Variants in ALG11 observed in about 807,000 individuals in gnomAD.
ALG11 encodes the protein ALG11 alpha-1,2-mannosyltransferase.
A neutral mutation model predicts 38.8 loss-of-function variants in ALG11; 26 were observed. The observed-to-expected ratio is 0.67, with a 90% CI of 0.49 to 0.93. ALG11 has a LOEUF of 0.93. Among genes scored for constraint, ALG11 ranks in the 40% least tolerant of loss-of-function variants. The pLI, the probability that ALG11 is intolerant of heterozygous loss-of-function variation, is 0.00. For missense variants in ALG11, 535 were observed against 578.8 expected (o/e 0.92, Z 0.78); for synonymous variants, 199 against 211.6 (o/e 0.94, Z 0.52).
At position 52,028,537 on chromosome 13, in the gene ALG11, G is replaced by A. The variant is rs773947350; in HGVS notation, c.1426G>A (p.Asp476Asn). ...SARASVSRFS[D>N]QEFEVTFLSS... The stretch of plus-strand genomic sequence containing the variant: ...TCGTGCATCTGTAAGCAGATTCTCT[G>A]ATCAGGAATTTGAAGTGACATTCCT... Residue 476 changes from aspartate (D) to asparagine (N), a missense_variant, in exon 4 of 4, where the codon GAT becomes AAT. Asp to Asn is a conservative substitution (Grantham distance 23). Transcript: ENST00000521508. 15 of 1,614,180 alleles carry A rather than the reference G, an allele frequency of 9.3e-6. No homozygotes were observed. In the South Asian group the frequency reaches 1.5e-4, roughly 17 times the overall value.
At chr13:52,025,869 G>A (rs1164314400) in intron 3 of ALG11, among the ~76,000 whole-genome samples, 1 of 152,230 alleles carries the variant, frequency 6.6e-6, no homozygotes, top group East Asian at 1.9e-4. Flanking sequence ...AGTTAGTAGT[G>A]TAGTGCTAGG....
chr13:52,028,239 T>G, intron 3 of ALG11, 80 bp from the exon 4 acceptor site: 1 of 1,564,060 alleles, frequency 6.4e-7, no homozygotes, highest in Non-Finnish European at 8.8e-7. Context: ...TTAAATTTTT[T>G]GAAGATTTCT....
In ALG11 at chr13:52,031,231, TAAAA is replaced by T; in HGVS notation, c.*2645_*2648del. ...TTGCATGTAGTTGAGCCACATTTTT[TAAAA>T]AAAGAAAATGGATGACCATTAATTG... On this transcript the variant is annotated 3_prime_UTR_variant, in exon 4 of 4. Transcript: ENST00000521508. 3.6e-6 allele frequency: 5 copies of T among 1,396,912 alleles called. No individual in the cohort carries two copies. The highest frequency in any genetic ancestry group is 3.8e-6 in the Non-Finnish European group (4 of 1,044,532). The allele number at this position is 1,396,912 out of a possible 1,614,324, so 86.5% of individuals were successfully genotyped here. A position where few individuals can be genotyped will look rare whatever the true frequency, so the allele number is the denominator to read the frequency against.
chr13:52,024,211 T>C lies in ALG11; in HGVS notation c.481T>C (p.Trp161Arg). Residue 161 changes from tryptophan to arginine, a missense_variant, in exon 3 of 4, where the codon TGG (tryptophan) becomes CGG (arginine). Trp to Arg is a moderately radical substitution (Grantham distance 101). Coordinates refer to ENST00000521508, the MANE Select transcript of ALG11 (RefSeq NM_001004127.3). ...AAGTCTAGGATCCATTTTTCTTGGCTGGGAAGCTCTAATGCAGTGTGTTCC... is the reference window on the plus strand; with the variant it reads ...AAGTCTAGGATCCATTTTTCTTGGCCGGGAAGCTCTAATGCAGTGTGTTCC... ...GQSLGSIFLGWEALMQCVPDV... is the reference protein window; with the variant it reads ...GQSLGSIFLGREALMQCVPDV... The C allele has an allele frequency of 6.2e-7, 1 of 1,614,200 alleles. No individual in the cohort carries two copies. Among genetic ancestry groups the C allele is most frequent in the South Asian group, 1.1e-5 (1 of 91,086 alleles).
In ALG11 at chr13:52,024,123, T is replaced by C; in HGVS notation, c.393T>C (p.Val131=). The change falls in exon 3 of 4, where the codon GTT becomes GTC. Residue 131 remains valine (V), a synonymous_variant. Transcript: ENST00000521508. ...NIRLIHPVQF[V]FLRKRYLVED... The stretch of plus-strand genomic sequence containing the variant: ...GATTAATTCACCCAGTGCAGTTTGT[T>C]TTTTTAAGGAAACGCTATCTTGTGG... 6.2e-7 allele frequency: 1 copy of C among 1,614,092 alleles called. No homozygotes were observed. Among genetic ancestry groups the C allele is most frequent in the Non-Finnish European group, 8.5e-7 (1 of 1,179,976 alleles).
chr13:52,013,058 A>G (rs899347357), intron 1 of ALG11, among the ~76,000 whole-genome samples: 2 of 152,234 alleles, frequency 1.3e-5, no homozygotes, highest in African/African-American at 2.4e-5. Flanking sequence ...TAGAAAATAG[A>G]TAAGTAAAAG....
In ALG11 at chr13:52,030,486, A is replaced by C. The variant is rs762712549; in HGVS notation, c.*1896A>C. 6.2e-6 allele frequency: 10 copies of C among 1,614,224 alleles called. No homozygotes were observed. The highest frequency in any genetic ancestry group is 6.8e-6 in the Non-Finnish European group (8 of 1,180,034). ...AAGGAGCAACTGATCAACCTACAGA[A>C]CTTCCTGACCACACAGTCTCCTTCC... On this transcript the variant is annotated 3_prime_UTR_variant, in exon 4 of 4. Coordinates refer to ENST00000521508, the MANE Select transcript of ALG11 (RefSeq NM_001004127.3).
chr13:52,029,406 C>T lies in ALG11; in HGVS notation c.*816C>T. 1.2e-6 allele frequency: 2 copies of T among 1,614,164 alleles called. No individual in the cohort carries two copies. The highest frequency in any genetic ancestry group is 1.7e-6 in the Non-Finnish European group (2 of 1,180,046). ...AAGAACAAGCAGCCAGTGACAGATC[C>T]TTTACTGACTCCCATGGAAAAGGCC... is the stretch of plus-strand genomic sequence containing the variant. On this transcript the variant is annotated 3_prime_UTR_variant, in exon 4 of 4. Transcript: ENST00000521508.
intron 1 of ALG11, among the ~76,000 whole-genome samples, chr13:52,014,736 G>A (rs1268990631): frequency 6.6e-6 from 1 of 152,060 alleles, no homozygotes; most frequent in Non-Finnish European, 1.5e-5. Flanking sequence ...TGGCATCTAA[G>A]TGGGTCAAGA....
intron 2 of ALG11, chr13:52,023,288 A>T (rs1409485859): frequency 6.6e-6 from 1 of 152,202 alleles, no homozygotes; most frequent in Non-Finnish European, 1.5e-5. Flanking sequence ...CTTACTGTTG[A>T]TGCCTGTTCT....
intron 2 of ALG11, chr13:52,023,615 A>G (rs1954205947): frequency 6.6e-6 from 1 of 152,016 alleles, no homozygotes; most frequent in South Asian, 2.1e-4. Flanking sequence ...AAAAAATCAA[A>G]TCTTCTTTAT....
intron 3 of ALG11, among the ~76,000 whole-genome samples, chr13:52,026,137 G>GA (rs1422557775): frequency 6.6e-6 from 1 of 152,216 alleles, no homozygotes; most frequent in Non-Finnish European, 1.5e-5. Flanking sequence ...AGGGTGATGT[G>GA]AAAGCGCCAA....
intron 1 of ALG11, chr13:52,016,786 G>A (rs1339850163): frequency 1.3e-5 from 2 of 152,278 alleles, no homozygotes; most frequent in Non-Finnish European, 2.9e-5. Context: ...CCTCTGCCAG[G>A]GCAGTGCAGA....
rs774962929 is a variant in ALG11, at chr13:52,030,198, T to G, written c.*1608T>G. The G allele has an allele frequency of 4.3e-6, 7 of 1,614,030 alleles. No individual in the cohort carries two copies. Among genetic ancestry groups the G allele is most frequent in the South Asian group, 1.1e-5 (1 of 91,078 alleles). On this transcript the variant is annotated 3_prime_UTR_variant, in exon 4 of 4. Coordinates refer to ENST00000521508, the MANE Select transcript of ALG11 (RefSeq NM_001004127.3). The stretch of plus-strand genomic sequence containing the variant: ...GAATTGAGGGCACTATCTCAGAAAT[T>G]GAAGGAAAAACATCAGTCCAGGAAG...
In ALG11 at chr13:52,029,204, A is replaced by G. The variant is rs779425936; in HGVS notation, c.*614A>G. ...ACAGATCCACAGAGAAGTAGCATTC[A>G]GTAAAACCTCACAGGTCCTCTCCAA... is the stretch of plus-strand genomic sequence containing the variant. On this transcript the variant is annotated 3_prime_UTR_variant, in exon 4 of 4. Coordinates refer to ENST00000521508, the MANE Select transcript of ALG11 (RefSeq NM_001004127.3). The G allele has an allele frequency of 2.0e-5, 32 of 1,614,134 alleles. No individual in the cohort carries two copies. In the South Asian group the frequency reaches 3.4e-4, roughly 17 times the overall value.
chr13:52,019,610 C>T (rs531460700), intron 2 of ALG11, among the ~76,000 whole-genome samples: 1 of 152,166 alleles, frequency 6.6e-6, no homozygotes, highest in East Asian at 1.9e-4. Flanking sequence ...GCCCACATAC[C>T]TTATATGATC....
At position 52,024,604 on chromosome 13, in the gene ALG11, T is replaced by C. The variant is rs533408732; in HGVS notation, c.874T>C (p.Leu292=). Residue 292 remains leucine (L), a synonymous_variant, in exon 3 of 4, where the codon TTA becomes CTA. Transcript: ENST00000521508. Reference sequence around the variant, plus strand: ...TGTGCAGACATTTCTGGACATTCCCTTACATGAGAAAAAGATGACCCCAGG... The same window carrying C: ...TGTGCAGACATTTCTGGACATTCCCCTACATGAGAAAAAGATGACCCCAGG... ...CDVQTFLDIP[L]HEKKMTPGHL... 71 of 1,613,934 alleles carry C rather than the reference T, an allele frequency of 4.4e-5. 1 individual carries two copies. The South Asian group carries it at 7.4e-4, about 17-fold the overall frequency.
At chr13:52,020,671 G>A (rs1447771718) in intron 2 of ALG11, 2 of 151,944 alleles carry the variant, frequency 1.3e-5, no homozygotes, top group African/African-American at 4.8e-5. Flanking sequence ...CCATCTACAA[G>A]GAGAAAAAAA....
intron 1 of ALG11, among the ~76,000 whole-genome samples, chr13:52,013,979 A>G (rs1166613576): frequency 6.6e-6 from 1 of 152,240 alleles, no homozygotes; most frequent in Non-Finnish European, 1.5e-5. Context: ...GGTCATTGAT[A>G]GGGTTTCAGA....
Sources: allele counts gnomAD v4.1 joint callset (sites outside exome capture counted in the v4.1 genomes callset), GRCh38; gene constraint gnomAD v4.1.1; transcripts MANE v1.5; gene names NCBI Gene and HGNC (gene_info 2026-07-23, HGNC 2026-07-21).